The following PRIM2 variants were observed in gnomAD, a reference collection of about 807,000 sequenced individuals.
PRIM2 encodes DNA primase subunit 2.
In PRIM2, 39 loss-of-function variants were observed where a neutral mutation model predicts 67.3. The ratio of observed to expected loss-of-function variants is 0.58; its 90% CI spans 0.45 to 0.76. PRIM2 has a LOEUF of 0.76. PRIM2 is among the 30% of genes least tolerant of loss of function. The pLI, the probability that PRIM2 is intolerant of heterozygous loss-of-function variation, is 0.00. For synonymous variants in PRIM2, 143 were observed against 198.7 expected (o/e 0.72, Z 2.36); for missense variants, 398 against 598.7 (o/e 0.66, Z 3.50).
intron 7 of PRIM2, among the ~76,000 whole-genome samples, chr6:57,392,816 A>AT (rs1770398419): frequency 6.6e-6 from 1 of 151,794 alleles, no homozygotes; most frequent in South Asian, 2.1e-4. Flanking sequence ...TTGTAGTCTT[A>AT]TTTTTTGTCC....
intron 10 of PRIM2, among the ~76,000 whole-genome samples, chr6:57,543,374 A>G (rs1323851422): frequency 6.6e-6 from 1 of 152,166 alleles, no homozygotes; most frequent in African/African-American, 2.4e-5. Flanking sequence ...CTAACAGTGT[A>G]AGAAAAATGA....
At chr6:57,249,493 G>T in the PRIM2 span, among the ~76,000 whole-genome samples, 2 of 152,194 alleles carry the variant, frequency 1.3e-5, no homozygotes, top group African/African-American at 4.8e-5. Flanking sequence ...TGTAATCCCA[G>T]CACTTTGGGA....
At chr6:57,539,882 T>G (rs1775108959) in intron 10 of PRIM2, among the ~76,000 whole-genome samples, 1 of 151,784 alleles carries the variant, frequency 6.6e-6, no homozygotes, top group African/African-American at 2.4e-5. Flanking sequence ...CAATCCCAGC[T>G]ACTGGGGTGG....
In PRIM2 at chr6:57,518,914, C is replaced by T. The variant is rs1176496002; in HGVS notation, c.761+11460C>T. On this transcript the variant is annotated intron_variant, in intron 8 of 13. Coordinates refer to ENST00000615550, the MANE Select transcript of PRIM2 (RefSeq NM_000947.5). ...ATCGGGGAACCTGCCCCGATATTCA[C>T]GTAGGTTCTTTTCTATTTTCCTTAA... 5.4e-3 allele frequency among the ~76,000 whole-genome samples: 828 copies of T among 152,204 alleles called. 7 individuals are homozygous for T. The highest frequency in any genetic ancestry group is 0.017 in the African/African-American group (724 of 41,540).
At chr6:57,431,583 G>A (rs1286882158) in intron 7 of PRIM2, among the ~76,000 whole-genome samples, 13 of 151,894 alleles carry the variant, frequency 8.6e-5, no homozygotes, top group African/African-American at 2.7e-4. Context: ...AGGATTTGAG[G>A]CTACAGTGAG....
chr6:57,369,678 T>A (rs1769479584), intron 5 of PRIM2, among the ~76,000 whole-genome samples: 1 of 152,150 alleles, frequency 6.6e-6, no homozygotes, highest in African/African-American at 2.4e-5. Flanking sequence ...TATACACCTC[T>A]TTTTAGGAGG....
chr6:57,456,596 C>T, intron 7 of PRIM2, among the ~76,000 whole-genome samples: 1 of 152,274 alleles, frequency 6.6e-6, no homozygotes, highest in African/African-American at 2.4e-5. Context: ...GAGGCTTGTG[C>T]ATTCGTCACG....
chr6:57,569,762 T>G (rs1316714051), intron 10 of PRIM2, among the ~76,000 whole-genome samples: 1 of 152,138 alleles, frequency 6.6e-6, no homozygotes, highest in Non-Finnish European at 1.5e-5. Flanking sequence ...TTCTTTTTTT[T>G]TTTGAGATGG....
the PRIM2 span, among the ~76,000 whole-genome samples, chr6:57,260,190 G>T: frequency 3.8e-4 from 58 of 152,252 alleles, no homozygotes; most frequent in African/African-American, 1.3e-3. Context: ...CCACATCTTT[G>T]CATTTAAGAA....
intron 7 of PRIM2, among the ~76,000 whole-genome samples, chr6:57,498,588 T>C (rs1449724745): frequency 3.3e-5 from 5 of 152,184 alleles, no homozygotes; most frequent in African/African-American, 9.7e-5. Context: ...CTGTCTTGGA[T>C]TTCTTGATAT....
At chr6:57,283,822 A>G in the PRIM2 span, among the ~76,000 whole-genome samples, 5 of 152,114 alleles carry the variant, frequency 3.3e-5, no homozygotes, top group African/African-American at 1.2e-4. Flanking sequence ...TGGGGCCTAA[A>G]TTATAGGTAA....
At chr6:57,593,465 G>C (rs1198080059) in intron 10 of PRIM2, among the ~76,000 whole-genome samples, 1 of 152,080 alleles carries the variant, frequency 6.6e-6, no homozygotes, top group Non-Finnish European at 1.5e-5. Flanking sequence ...ACCACACCCA[G>C]CTAATTTTTG....
At chr6:57,303,738 C>G in the PRIM2 span, among the ~76,000 whole-genome samples, 2 of 152,168 alleles carry the variant, frequency 1.3e-5, no homozygotes, top group African/African-American at 4.8e-5. Context: ...GCCTCAGCCT[C>G]CCAAGTAGCT....
the PRIM2 span, among the ~76,000 whole-genome samples, chr6:57,246,320 A>T: frequency 2.0e-5 from 3 of 152,230 alleles, no homozygotes; most frequent in African/African-American, 4.8e-5. Flanking sequence ...GGCCAACAGA[A>T]AATGGCTATG....
chr6:57,614,203 G>T (rs1485643354), intron 12 of PRIM2, among the ~76,000 whole-genome samples: 13 of 152,182 alleles, frequency 8.5e-5, no homozygotes, highest in Non-Finnish European at 1.6e-4. Flanking sequence ...GCATGCGAGG[G>T]ATCTAGGTTG....
chr6:57,550,259 G>C (rs1325952642), intron 10 of PRIM2, among the ~76,000 whole-genome samples: 1 of 151,950 alleles, frequency 6.6e-6, no homozygotes, highest in Non-Finnish European at 1.5e-5. Flanking sequence ...TAAATATTTT[G>C]GTGTATAATA....
At chr6:57,485,659 G>A (rs1272832460) in intron 7 of PRIM2, among the ~76,000 whole-genome samples, 1 of 152,198 alleles carries the variant, frequency 6.6e-6, no homozygotes, top group Non-Finnish European at 1.5e-5. Context: ...TAGGAAATCT[G>A]AGCATCTGTA....
chr6:57,376,567 C>T (rs62418040), intron 5 of PRIM2, among the ~76,000 whole-genome samples: 7 of 152,124 alleles, frequency 4.6e-5, no homozygotes, highest in South Asian at 2.1e-4. Flanking sequence ...AGAACCAGAA[C>T]GTCCACACAC....
At chr6:57,323,219 T>G (rs1431039797) in intron 3 of PRIM2, among the ~76,000 whole-genome samples, 3 of 152,172 alleles carry the variant, frequency 2.0e-5, no homozygotes, top group Admixed American at 6.5e-5. Flanking sequence ...TAGTTGAGAT[T>G]ATAGGCCACG....
Sources: gnomAD v4.1 joint callset for allele counts (sites outside exome capture counted in the v4.1 genomes callset) on GRCh38, gnomAD v4.1.1 for gene constraint, MANE v1.5 for transcripts, NCBI Gene and HGNC (gene_info 2026-07-23, HGNC 2026-07-21) for gene names.